The following SLC35F4 variants were observed in gnomAD, a reference collection of about 807,000 sequenced individuals.
SLC35F4 encodes the protein solute carrier family 35 member F4.
Under a neutral mutation model 44.2 loss-of-function variants are expected in SLC35F4, and 24 were observed. The ratio of observed to expected loss-of-function variants is 0.54; its 90% confidence interval spans 0.39 to 0.76. The LOEUF is 0.76. Ranked by LOEUF, SLC35F4 falls within the 30% of genes least tolerant of loss-of-function variation. The pLI, the probability that SLC35F4 is intolerant of heterozygous loss-of-function variation, is 0.00. For missense variants in SLC35F4, 562 were observed against 586.1 expected (o/e 0.96, Z 0.42); for synonymous variants, 238 against 223.6 (o/e 1.06, Z -0.57).
chr14:57,587,272 C>G (rs1025309740), intron 3 of SLC35F4, among the ~76,000 whole-genome samples: 2 of 152,210 alleles, frequency 1.3e-5, no homozygotes, highest in African/African-American at 4.8e-5. Flanking sequence ...AATCCCATAA[C>G]TGGGTATATA....
At chr14:57,772,269 T>G (rs1294172888) in intron 1 of SLC35F4, among the ~76,000 whole-genome samples, 1 of 152,222 alleles carries the variant, frequency 6.6e-6, no homozygotes, top group Non-Finnish European at 1.5e-5. Context: ...ACTCAGGGAA[T>G]AATTCCTGGA....
chr14:57,564,731 T>A (rs959529596), intron 7 of SLC35F4, among the ~76,000 whole-genome samples: 1 of 152,222 alleles, frequency 6.6e-6, no homozygotes, highest in Non-Finnish European at 1.5e-5. Flanking sequence ...CTGTTCTTTT[T>A]AAAAATTTAA....
At chr14:57,654,625 A>G (rs1161830560) in intron 1 of SLC35F4, among the ~76,000 whole-genome samples, 1 of 152,186 alleles carries the variant, frequency 6.6e-6, no homozygotes, top group Non-Finnish European at 1.5e-5. Context: ...GGATTGCTGG[A>G]TCAAATTGTA....
intron 1 of SLC35F4, among the ~76,000 whole-genome samples, chr14:57,875,414 A>G (rs73294864): frequency 0.078 from 11,852 of 152,294 alleles, 648 homozygotes; most frequent in African/African-American, 0.16. Flanking sequence ...TCCAAACCTT[A>G]GTGGCTTAAA....
chr14:57,941,605 C>G (rs1889917846), intron 1 of SLC35F4, among the ~76,000 whole-genome samples: 1 of 151,752 alleles, frequency 6.6e-6, no homozygotes, highest in Non-Finnish European at 1.5e-5. Context: ...TATTTTGGAA[C>G]AAAGTAGAGG....
At chr14:57,620,941 C>T (rs1028751518) in intron 1 of SLC35F4, among the ~76,000 whole-genome samples, 2 of 152,026 alleles carry the variant, frequency 1.3e-5, no homozygotes, top group African/African-American at 4.8e-5. Flanking sequence ...CCAAAATCTC[C>T]TTAAGCTGAT....
intron 1 of SLC35F4, among the ~76,000 whole-genome samples, chr14:57,804,680 C>T (rs6573169): frequency 0.49 from 73,979 of 151,966 alleles, 20,830 homozygotes; most frequent in African/African-American, 0.77. Context: ...GAAGATAATC[C>T]AGGCAATAGC....
At chr14:57,768,683 A>G (rs2077289328) in intron 1 of SLC35F4, among the ~76,000 whole-genome samples, 1 of 152,208 alleles carries the variant, frequency 6.6e-6, no homozygotes, top group South Asian at 2.1e-4. Flanking sequence ...GGAATGACAG[A>G]GGAAAAGAAA....
At chr14:57,962,748 A>T (rs1005391643) in intron 1 of SLC35F4, among the ~76,000 whole-genome samples, 2 of 152,338 alleles carry the variant, frequency 1.3e-5, no homozygotes, top group East Asian at 3.9e-4. Flanking sequence ...AAAATTTTGT[A>T]AAGGAGAATT....
intron 1 of SLC35F4, among the ~76,000 whole-genome samples, chr14:57,782,690 T>C (rs1216592580): frequency 6.6e-6 from 1 of 152,232 alleles, no homozygotes; most frequent in Non-Finnish European, 1.5e-5. Flanking sequence ...TAAAACACCC[T>C]GCGTAAGCAG....
At chr14:57,646,579 GATTC>G (rs1352893133) in intron 1 of SLC35F4, among the ~76,000 whole-genome samples, 1 of 152,114 alleles carries the variant, frequency 6.6e-6, no homozygotes, top group African/African-American at 2.4e-5. Context: ...CCAGTTCCTG[GATTC>G]ATTGATTTTT....
chr14:57,851,675 T>C (rs1227379631), intron 1 of SLC35F4, among the ~76,000 whole-genome samples: 2 of 152,154 alleles, frequency 1.3e-5, no homozygotes, highest in African/African-American at 4.8e-5. Flanking sequence ...CTGAGAGACA[T>C]GACAAGTAAA....
In SLC35F4 at chr14:57,723,796, A is replaced by G. The variant is rs376048357; in HGVS notation, c.104-129672T>C. ...ATCTTGATTCCTTTTTGCTTCCACA[A>G]GATATCACACTGGTCCATTACATTG... is the stretch of plus-strand genomic sequence containing the variant. On this transcript the variant is annotated intron_variant, in intron 1 of 7. Transcript: ENST00000556826. Among the ~76,000 whole-genome samples, 66 of 152,288 alleles carry G rather than the reference A, an allele frequency of 4.3e-4. 1 individual carries two copies. The South Asian group carries it at 0.013, about 30-fold the overall frequency.
chr14:57,958,406 A>T (rs540258340), intron 1 of SLC35F4, among the ~76,000 whole-genome samples: 111 of 152,328 alleles, frequency 7.3e-4, no homozygotes, highest in Middle Eastern at 3.4e-3. Flanking sequence ...AGCCAGTCAC[A>T]AAAGGTATGC....
At chr14:57,834,792 G>T (rs1884732949) in intron 1 of SLC35F4, among the ~76,000 whole-genome samples, 1 of 152,224 alleles carries the variant, frequency 6.6e-6, no homozygotes. Context: ...GGCCGAGGTA[G>T]GCGGATCACC....
chr14:57,642,086 T>A (rs2073270909), intron 1 of SLC35F4, among the ~76,000 whole-genome samples: 1 of 152,014 alleles, frequency 6.6e-6, no homozygotes. Flanking sequence ...TTCATTAGAG[T>A]TTAATTGCCT....
intron 1 of SLC35F4, among the ~76,000 whole-genome samples, chr14:57,688,424 C>T (rs1264061917): frequency 1.3e-5 from 2 of 152,102 alleles, no homozygotes; most frequent in Non-Finnish European, 2.9e-5. Flanking sequence ...ACTATGGCAT[C>T]ACCATAAGAC....
chr14:57,962,891 A>G (rs946275808), intron 1 of SLC35F4, among the ~76,000 whole-genome samples: 6 of 152,198 alleles, frequency 3.9e-5, no homozygotes, highest in Non-Finnish European at 8.8e-5. Flanking sequence ...ATGCACGTCA[A>G]TCCTGCAACA....
chr14:57,869,355 C>T (rs1888247959), upstream of SLC35F4, among the ~76,000 whole-genome samples: 2 of 152,014 alleles, frequency 1.3e-5, no homozygotes, highest in South Asian at 4.2e-4. Flanking sequence ...GATAAGCAGT[C>T]TGAAAATACC....
Sources: allele counts gnomAD v4.1 joint callset (sites outside exome capture counted in the v4.1 genomes callset), GRCh38; gene constraint gnomAD v4.1.1; transcripts MANE v1.5; gene names NCBI Gene and HGNC (gene_info 2026-07-23, HGNC 2026-07-21).